Variants in GBP1 observed in about 807,000 individuals in gnomAD.
GBP1 encodes guanylate binding protein 1.
GBP1 carries 64 observed loss-of-function variants against 69.5 expected under a neutral mutation model. The observed-to-expected ratio is 0.92, with a 90% CI of 0.75 to 1.13. The LOEUF (loss-of-function observed/expected upper bound fraction) is 1.13, where lower values mean the gene tolerates loss of function less well. Ranked by LOEUF, GBP1 falls within the 50% of genes most tolerant of loss-of-function variation. The pLI is 0.00. For synonymous variants in GBP1, 250 were observed against 261.2 expected, an observed-to-expected ratio of 0.96 and a Z score of 0.41; for missense variants, 630 against 704.1, an observed-to-expected ratio of 0.89 and a Z score of 1.19.
intron 10 of GBP1, 62 bp downstream of exon 10, chr1:89,054,620 C>G: frequency 6.9e-7 from 1 of 1,452,812 alleles, no homozygotes; most frequent in Admixed American, 1.8e-5. Context: ...ACTAAGTTTG[C>G]GATCAGGGAG....
At chr1:89,057,675 T>C (rs1680080189) in intron 6 of GBP1, among the ~76,000 whole-genome samples, 1 of 152,244 alleles carries the variant, frequency 6.6e-6, no homozygotes, top group African/African-American at 2.4e-5. Context: ...TACAGGCATG[T>C]GAATTGACTT....
chr1:89,064,238 T>A (rs867988787), intron 1 of GBP1, among the ~76,000 whole-genome samples: 1,536 of 112,476 alleles, frequency 0.014, 11 homozygotes, highest in Non-Finnish European at 0.017. Context: ...TGTGTGTGTG[T>A]GTGAGAGAGA....
At chr1:89,054,455 A>C (rs12073476) in intron 10 of GBP1, among the ~76,000 whole-genome samples, 5 of 152,184 alleles carry the variant, frequency 3.3e-5, no homozygotes. Flanking sequence ...GAAATGAAGG[A>C]TATATTGATA....
At chr1:89,055,405 G>A in intron 8 of GBP1, 190 bp from the exon 9 acceptor site, 1 of 773,444 alleles carries the variant, frequency 1.3e-6, no homozygotes, top group South Asian at 1.9e-5. Context: ...CTACTTAGCA[G>A]TCATTTTTAG....
chr1:89,064,218 T>C (rs11804563), intron 1 of GBP1, among the ~76,000 whole-genome samples: 7,315 of 134,700 alleles, frequency 0.054, 619 homozygotes, highest in African/African-American at 0.2. Flanking sequence ...TGTGTGTGTG[T>C]GTGTGTGTGT....
At chr1:89,056,747 T>C in intron 7 of GBP1, 107 bp downstream of exon 7, 4 of 1,275,352 alleles carry the variant, frequency 3.1e-6, no homozygotes, top group Non-Finnish European at 4.4e-6. Context: ...TTCACCATTA[T>C]GGAAGCTAGG....
In GBP1 at chr1:89,055,185, A is replaced by C. The variant is rs772871546; in HGVS notation, c.1399T>G (p.Ser467Ala). ...AEEILQTYLKSKESMTDAILQ... is the reference protein window; with the variant it reads ...AEEILQTYLKAKESMTDAILQ... Reference sequence around the variant, plus strand: ...ATTGCATCAGTCATAGACTCCTTGGATTTCAAGTATGTCTGCAGAATCTCT... The same window carrying C: ...ATTGCATCAGTCATAGACTCCTTGGCTTTCAAGTATGTCTGCAGAATCTCT... Residue 467 changes from serine (S) to alanine (A), a missense_variant, in exon 9 of 11, where the codon TCC becomes GCC. Physicochemically the swap from Ser to Ala is moderately conservative, Grantham distance 99. Coordinates refer to ENST00000370473, the MANE Select transcript of GBP1 (RefSeq NM_002053.3). 1 of 1,611,944 alleles carries C rather than the reference A, an allele frequency of 6.2e-7. No individual in the cohort carries two copies. The highest frequency in any genetic ancestry group is 8.5e-7 in the Non-Finnish European group (1 of 1,179,500).
At position 89,055,221 on chromosome 1, in the gene GBP1, G is replaced by A; in HGVS notation, c.1369-6C>T. 6.2e-7 allele frequency: 1 copy of A among 1,612,976 alleles called. No individual in the cohort carries two copies. The highest frequency in any genetic ancestry group is 8.5e-7 in the Non-Finnish European group (1 of 1,179,762). The stretch of plus-strand genomic sequence containing the variant: ...GTCTGCAGAATCTCTTCAGCCTTAG[G>A]ACCCAGAGAACACAGAGTGAGAAGT... On this transcript the variant is annotated splice_region_variant and splice_polypyrimidine_tract_variant and intron_variant, in intron 8 of 10. Transcript: ENST00000370473.
chr1:89,060,129 C>G (rs6701673), intron 3 of GBP1, 68 bp downstream of exon 3: 437,968 of 1,446,888 alleles, frequency 0.3, 68,412 homozygotes, highest in African/African-American at 0.47. Flanking sequence ...AGTTAATAAA[C>G]AATTAACCGC....
At chr1:89,057,240 GTCCTCAGCA>G in intron 6 of GBP1, 106 bp from the exon 7 acceptor site, 1 of 1,459,024 alleles carries the variant, frequency 6.9e-7, no homozygotes, top group Non-Finnish European at 9.4e-7. Context: ...CAGCATCAAT[GTCCTCAGCA>G]TCACTTGGAA....
Position 89,056,875 on chromosome 1 carries a change from A to G in GBP1, c.1134T>C (p.His378=). The G allele has an allele frequency of 6.2e-7, 1 of 1,614,178 alleles. No individual in the cohort carries two copies. The highest frequency in any genetic ancestry group is 8.5e-7 in the Non-Finnish European group (1 of 1,179,990). The change falls in exon 7 of 11, where the codon CAT becomes CAC. Residue 378 remains histidine (H), a synonymous_variant. Transcript: ENST00000370473. ...FIRSSFKDVD[H]LFQKELAAQL... is the part of the protein sequence containing the mutation. ...TTACCGCTAACTCCTTTTGAAATAGATGGTCCACATCTTTGAAGGAACTCC... is the reference window on the plus strand; with the variant it reads ...TTACCGCTAACTCCTTTTGAAATAGGTGGTCCACATCTTTGAAGGAACTCC...
chr1:89,055,012 T>C, intron 9 of GBP1, 101 bp downstream of exon 9: 1 of 1,383,758 alleles, frequency 7.2e-7, no homozygotes, highest in Admixed American at 2.1e-5. Context: ...GACACACCTT[T>C]GTGGATCTTG....
chr1:89,064,733 G>C (rs546535238), intron 1 of GBP1, among the ~76,000 whole-genome samples: 2 of 152,122 alleles, frequency 1.3e-5, no homozygotes, highest in Non-Finnish European at 2.9e-5. Context: ...TTCCTTCCAT[G>C]AAAAGAACCC....
In GBP1 at chr1:89,054,658, C is replaced by T. The variant is rs767756364; in HGVS notation, c.1665+24G>A. 4 of 1,600,694 alleles carry T rather than the reference C, an allele frequency of 2.5e-6. No homozygotes were observed. The South Asian group carries it at 3.3e-5, about 13-fold the overall frequency. ...TGGAGAGAAAACAGAAAAACAGAAA[C>T]CTCAAGGTGATGCAATTAGATACCT... On this transcript the variant is annotated intron_variant, in intron 10 of 10. Coordinates refer to ENST00000370473, the MANE Select transcript of GBP1 (RefSeq NM_002053.3).
chr1:89,057,990 A>G lies in GBP1; in HGVS notation c.874+2T>C. The G allele has an allele frequency of 6.2e-7, 1 of 1,610,114 alleles. No homozygotes were observed. Among genetic ancestry groups the G allele is most frequent in the Non-Finnish European group, 8.5e-7 (1 of 1,177,850 alleles). ...AGCAGAAGTACTAGGAAGGGGACTT[A>G]CGAGGCCCGTTGACCTGGATGCCTC... On this transcript the variant is annotated splice_donor_variant, in intron 6 of 10. Transcript: ENST00000370473. LOFTEE classifies it high-confidence loss of function.
At chr1:89,064,673 T>A (rs1046590986) in intron 1 of GBP1, among the ~76,000 whole-genome samples, 1 of 152,220 alleles carries the variant, frequency 6.6e-6, no homozygotes, top group African/African-American at 2.4e-5. Flanking sequence ...TTTTTCTTTG[T>A]CTTTAACCGT....
chr1:89,061,601 T>C (rs1680199997), intron 2 of GBP1, among the ~76,000 whole-genome samples: 1 of 152,102 alleles, frequency 6.6e-6, no homozygotes, highest in African/African-American at 2.4e-5. Context: ...GATTTGGAAA[T>C]TATTTTTTGA....
rs138634250 is a variant in GBP1 at position 89,054,294 on chromosome 1, A to G, written c.1665+388T>C. Among the ~76,000 whole-genome samples, 1,304 of 152,048 alleles carry G rather than the reference A, an allele frequency of 8.6e-3. 17 individuals are homozygous for G. The highest frequency in any genetic ancestry group is 0.027 in the African/African-American group (1,124 of 41,466). The stretch of plus-strand genomic sequence containing the variant: ...TTTTTGTATTTTTAGTAGTGACGGG[A>G]TTTCACCGTGTTAGCCAGGATGGCC... On this transcript the variant is annotated intron_variant, in intron 10 of 10. Coordinates refer to ENST00000370473, the MANE Select transcript of GBP1 (RefSeq NM_002053.3).
Position 89,057,087 on chromosome 1 carries a change from C to T in GBP1, c.922G>A (p.Asp308Asn). ...LTYVNAISSG[D>N]LPCMENAVLA... Reference sequence around the variant, plus strand: ...ACTGCGTTCTCCATGCACGGCAGATCCCCACTGCTGATGGCATTGACGTAG... The same window carrying T: ...ACTGCGTTCTCCATGCACGGCAGATTCCCACTGCTGATGGCATTGACGTAG... Residue 308 changes from aspartate (D) to asparagine (N), a missense_variant, in exon 7 of 11, where the codon GAT becomes AAT. Around this residue, in one of 5 missense-constraint regions of GBP1, gnomAD observed 367 missense variants for 369.5 expected, o/e 0.99. Transcript: ENST00000370473. 6.2e-7 allele frequency: 1 copy of T among 1,614,254 alleles called. No homozygotes were observed. Among genetic ancestry groups the T allele is most frequent in the Non-Finnish European group, 8.5e-7 (1 of 1,180,030 alleles).
Sources: gnomAD v4.1 joint callset for allele counts (sites outside exome capture counted in the v4.1 genomes callset) on GRCh38, gnomAD v4.1.1 for gene constraint, gnomAD v4.1.1 regional missense constraint, MANE v1.5 for transcripts, NCBI Gene and HGNC (gene_info 2026-07-23, HGNC 2026-07-21) for gene names.